ELF2: variants seen among roughly 807,000 people sequenced by gnomAD.
ELF2 encodes ETS-related transcription factor Elf-2.
ELF2 carries 11 observed loss-of-function variants against 54.8 expected under a neutral mutation model. That is an observed-to-expected ratio of 0.20 (90% CI 0.13 to 0.33). The LOEUF (loss-of-function observed/expected upper bound fraction) is 0.33, where lower values mean the gene tolerates loss of function less well. ELF2 is among the 10% of genes least tolerant of loss of function. The pLI, the probability that ELF2 is intolerant of heterozygous loss-of-function variation, is 1.00. For synonymous variants in ELF2, 203 were observed against 245.1 expected, an observed-to-expected ratio of 0.83 and a Z score of 1.61; for missense variants, 513 against 703.0, an observed-to-expected ratio of 0.73 and a Z score of 3.06.
intron 1 of ELF2, among the ~76,000 whole-genome samples, chr4:139,166,416 T>G (rs1199248845): frequency 6.6e-6 from 1 of 151,798 alleles, no homozygotes; most frequent in South Asian, 2.1e-4. Flanking sequence ...TAAAAATAAA[T>G]AAAAATAAAA....
At chr4:139,079,708 T>C (rs1352216363) in intron 4 of ELF2, among the ~76,000 whole-genome samples, 2 of 152,154 alleles carry the variant, frequency 1.3e-5, no homozygotes, top group African/African-American at 4.8e-5. Context: ...GGTCAGGATT[T>C]CAAGACCAGC....
intron 4 of ELF2, among the ~76,000 whole-genome samples, chr4:139,120,343 T>A (rs1306911258): frequency 6.6e-6 from 1 of 152,216 alleles, no homozygotes; most frequent in Non-Finnish European, 1.5e-5. Context: ...TTAATATTTC[T>A]CAAGCCATCC....
intron 6 of ELF2, among the ~76,000 whole-genome samples, chr4:139,071,032 C>T (rs1046760129): frequency 3.3e-5 from 5 of 152,024 alleles, no homozygotes; most frequent in Non-Finnish European, 7.4e-5. Flanking sequence ...TTGATTTCAA[C>T]AGAAAAAGAC....
intron 4 of ELF2, among the ~76,000 whole-genome samples, chr4:139,090,679 C>T (rs1732472565): frequency 6.6e-6 from 1 of 152,128 alleles, no homozygotes; most frequent in Non-Finnish European, 1.5e-5. Flanking sequence ...AATGCAACCT[C>T]CGCCTCCCAG....
intron 1 of ELF2, among the ~76,000 whole-genome samples, chr4:139,154,915 T>C (rs570694344): frequency 2.0e-5 from 3 of 152,330 alleles, no homozygotes; most frequent in East Asian, 1.9e-4. Context: ...TTGTCTCTTA[T>C]CTACCCACAC....
chr4:139,116,225 G>T (rs1735698762), intron 4 of ELF2, among the ~76,000 whole-genome samples: 1 of 152,076 alleles, frequency 6.6e-6, no homozygotes, highest in South Asian at 2.1e-4. Context: ...AAAGCTAAAT[G>T]AACTTAAGAT....
At chr4:139,085,526 G>T (rs2292837) in intron 4 of ELF2, among the ~76,000 whole-genome samples, 62,663 of 151,970 alleles carry the variant, frequency 0.41, 13,415 homozygotes, top group Middle Eastern at 0.5. Flanking sequence ...TGCCCAACAT[G>T]AGTGCAGCAT....
chr4:139,076,779 T>C (rs1044876411), intron 4 of ELF2, among the ~76,000 whole-genome samples: 1 of 152,146 alleles, frequency 6.6e-6, no homozygotes, highest in Non-Finnish European at 1.5e-5. Context: ...CATGATTTTG[T>C]GTTATTAAAA....
chr4:139,094,572 C>T (rs1484690150), intron 4 of ELF2, among the ~76,000 whole-genome samples: 1 of 152,086 alleles, frequency 6.6e-6, no homozygotes, highest in African/African-American at 2.4e-5. Flanking sequence ...ATATTAGGAA[C>T]AGTGCTTACT....
chr4:139,155,666 T>G (rs1034162936), intron 1 of ELF2, among the ~76,000 whole-genome samples: 1 of 152,224 alleles, frequency 6.6e-6, no homozygotes, highest in Non-Finnish European at 1.5e-5. Flanking sequence ...GATGTCATTC[T>G]TATTTGTTAA....
intron 1 of ELF2, among the ~76,000 whole-genome samples, chr4:139,143,614 G>A (rs578016302): frequency 8.7e-4 from 132 of 152,098 alleles, no homozygotes; most frequent in African/African-American, 2.4e-3. Context: ...GTGAAACCCC[G>A]TCTCTACTAA....
intron 1 of ELF2, among the ~76,000 whole-genome samples, chr4:139,146,696 T>C (rs913521767): frequency 6.6e-6 from 1 of 151,992 alleles, no homozygotes; most frequent in African/African-American, 2.4e-5. Flanking sequence ...ATGGAACAGA[T>C]TAAAGAATCC....
chr4:139,059,270 C>G lies in ELF2; in HGVS notation c.1495G>C (p.Val499Leu). Residue 499 changes from valine (V) to leucine (L), a missense_variant, in exon 10 of 10, where the codon GTT becomes CTT. Physicochemically the swap from Val to Leu is conservative, Grantham distance 32. Around this residue, in one of 3 missense-constraint regions of ELF2, gnomAD observed 291 missense variants for 366.1 expected, o/e 0.79. Coordinates refer to ENST00000686138, the MANE Select transcript of ELF2 (RefSeq NM_001331036.3). Reference sequence around the variant, plus strand: ...ACAGGTGTACCATGGGCTATTGAAACAGGGGTAAGTGCTCTCACAGCCAAT... The same window carrying G: ...ACAGGTGTACCATGGGCTATTGAAAGAGGGGTAAGTGCTCTCACAGCCAAT... ...TPLAVRALTP[V>L]SIAHGTPVMR... 1 of 1,613,858 alleles carries G rather than the reference C, an allele frequency of 6.2e-7. No homozygotes were observed. Among genetic ancestry groups the G allele is most frequent in the South Asian group, 1.1e-5 (1 of 91,076 alleles).
rs765685807 is a variant in ELF2, at chr4:139,067,740, G to A, written c.557C>T (p.Pro186Leu). 6.2e-7 allele frequency: 1 copy of A among 1,602,790 alleles called. No homozygotes were observed. The highest frequency in any genetic ancestry group is 8.5e-7 in the Non-Finnish European group (1 of 1,172,166). ...TAACTCAGGAGACCCATTGGAAATTGGTGATTGCTGGGTCTTTGGTTTACG... is the reference window on the plus strand; with the variant it reads ...TAACTCAGGAGACCCATTGGAAATTAGTGATTGCTGGGTCTTTGGTTTACG... ...VGRKPKTQQSPISNGSPELGI... is the reference protein window; with the variant it reads ...VGRKPKTQQSLISNGSPELGI... Residue 186 changes from proline (P) to leucine (L), a missense_variant, in exon 7 of 10, where the codon CCA becomes CTA. By Grantham distance (98) the Pro-to-Leu change is moderately conservative. This residue lies in a region of ELF2 where 203 missense variants were observed against 245.9 expected (regional missense o/e 0.83). Coordinates refer to ENST00000686138, the MANE Select transcript of ELF2 (RefSeq NM_001331036.3).
chr4:139,078,387 C>A (rs1015695284), intron 4 of ELF2, among the ~76,000 whole-genome samples: 3 of 152,068 alleles, frequency 2.0e-5, no homozygotes, highest in Non-Finnish European at 4.4e-5. Flanking sequence ...CCCGATTTAC[C>A]ACTACTTATC....
At chr4:139,107,170 CAA>C (rs1406262174) in intron 4 of ELF2, among the ~76,000 whole-genome samples, 1 of 151,892 alleles carries the variant, frequency 6.6e-6, no homozygotes, top group Non-Finnish European at 1.5e-5. Context: ...GTTCATGACA[CAA>C]AAAGGTTGAA....
intron 1 of ELF2, among the ~76,000 whole-genome samples, chr4:139,159,101 T>C (rs1740839409): frequency 6.6e-6 from 1 of 152,104 alleles, no homozygotes; most frequent in African/African-American, 2.4e-5. Flanking sequence ...TCAGACCCTG[T>C]GGGAAAGGTC....
intron 1 of ELF2, among the ~76,000 whole-genome samples, chr4:139,144,468 A>C (rs1739024324): frequency 6.6e-6 from 1 of 152,194 alleles, no homozygotes; most frequent in African/African-American, 2.4e-5. Context: ...TGAAATTCAA[A>C]ATATAATCTC....
intron 1 of ELF2, among the ~76,000 whole-genome samples, chr4:139,153,636 G>A (rs771910841): frequency 2.6e-5 from 4 of 151,978 alleles, no homozygotes; most frequent in Non-Finnish European, 5.9e-5. Context: ...TTGCTCACAG[G>A]TAAATGCCTT....
Sources: gnomAD v4.1 joint callset for allele counts (sites outside exome capture counted in the v4.1 genomes callset) on GRCh38, gnomAD v4.1.1 for gene constraint, gnomAD v4.1.1 regional missense constraint, MANE v1.5 for transcripts, NCBI Gene and HGNC (gene_info 2026-07-23, HGNC 2026-07-21) for gene names.